The following NFAM1 variants were observed in gnomAD, a reference collection of about 807,000 sequenced individuals.
The protein encoded by NFAM1 is NFAT activation molecule 1.
Under a neutral mutation model 29.0 loss-of-function variants are expected in NFAM1, and 17 were observed. The observed-to-expected ratio is 0.59, with a 90% confidence interval of 0.40 to 0.88. NFAM1 has a LOEUF of 0.88. NFAM1 is among the 40% of genes least tolerant of loss of function. The pLI is 0.00. For synonymous variants in NFAM1, 175 were observed against 147.2 expected (o/e 1.19, Z -1.36); for missense variants, 324 against 344.6 (o/e 0.94, Z 0.47).
Position 42,384,997 on chromosome 22 carries a change from G to C in NFAM1, c.*164C>G, listed in dbSNP as rs975529395. Reference sequence around the variant, plus strand: ...GCCTTGGTGGTTGGGGCATAGAATGGGGGGGCAGTGGGGCCGGCCAAGACA... The same window carrying C: ...GCCTTGGTGGTTGGGGCATAGAATGCGGGGGCAGTGGGGCCGGCCAAGACA... On this transcript the variant is annotated 3_prime_UTR_variant, in exon 6 of 6. Coordinates refer to ENST00000329021, the MANE Select transcript of NFAM1 (RefSeq NM_145912.8). 12 of 693,400 alleles carry C rather than the reference G, an allele frequency of 1.7e-5. No individual in the cohort carries two copies. The highest frequency in any genetic ancestry group is 5.3e-5 in the African/African-American group (3 of 56,818). 43.0% of individuals were successfully genotyped at this position (693,400 alleles called of 1,614,324 possible).
intron 1 of NFAM1, among the ~76,000 whole-genome samples, chr22:42,414,635 G>A (rs1031114642): frequency 2.7e-5 from 4 of 150,318 alleles, no homozygotes; most frequent in Non-Finnish European, 4.4e-5. Flanking sequence ...CATCACCACC[G>A]ACCCTGCCCA....
intron 5 of NFAM1, among the ~76,000 whole-genome samples, chr22:42,386,396 A>ACACACACACACACACACACAAAC (rs1555968132): frequency 8.0e-6 from 1 of 125,186 alleles, no homozygotes; most frequent in Non-Finnish European, 1.8e-5. Flanking sequence ...AAAACAAACA[A>ACACACACACACACACACACAAAC]ACACACACAC....
rs1443222612 is a variant in NFAM1 at position 42,409,846 on chromosome 22, C to T, written c.452-299G>A. ...TAGGGCCCTGAGCGAGATGTCTCCCCTCTCGGGGCCTCTTCTTTTCCCTGT... is the reference window on the plus strand; with the variant it reads ...TAGGGCCCTGAGCGAGATGTCTCCCTTCTCGGGGCCTCTTCTTTTCCCTGT... On this transcript the variant is annotated intron_variant, in intron 2 of 5. Transcript: ENST00000329021. This position sits in a 1 kb window ranked among gnomAD's most constrained non-coding sequence, Gnocchi z 4.9. Among the ~76,000 whole-genome samples the T allele has an allele frequency of 1.3e-5, 2 of 152,206 alleles. No individual in the cohort carries two copies. The highest frequency in any genetic ancestry group is 2.9e-5 in the Non-Finnish European group (2 of 68,026).
chr22:42,386,399 A>ACACACACACACACT (rs1929145353), intron 5 of NFAM1, among the ~76,000 whole-genome samples: 1 of 143,002 alleles, frequency 7.0e-6, no homozygotes, highest in African/African-American at 2.7e-5. Context: ...ACAAACAAAC[A>ACACACACACACACT]CACACACACA....
upstream of NFAM1, among the ~76,000 whole-genome samples, chr22:42,435,812 CTTCTTTTTT>C (rs1192828708): frequency 6.0e-5 from 8 of 133,168 alleles, no homozygotes; most frequent in African/African-American, 2.3e-4. Context: ...TCCTTTTCTT[CTTCTTTTTT>C]TTTTTTTTTT....
At chr22:42,402,831 C>CTTCTTTTTT (rs1555970270) in intron 3 of NFAM1, among the ~76,000 whole-genome samples, 1 of 97,120 alleles carries the variant, frequency 1.0e-5, no homozygotes, top group African/African-American at 4.7e-5. Context: ...TCTGTGCCTT[C>CTTCTTTTTT]TTTTTTTTTT....
At chr22:42,391,815 C>T (rs930848202) in intron 4 of NFAM1, among the ~76,000 whole-genome samples, 1 of 151,678 alleles carries the variant, frequency 6.6e-6, no homozygotes, top group African/African-American at 2.4e-5. Context: ...TGTGGTAGTG[C>T]GCACCTGTAA....
intron 1 of NFAM1, among the ~76,000 whole-genome samples, chr22:42,420,638 C>T (rs982259949): frequency 4.6e-5 from 7 of 151,458 alleles, no homozygotes; most frequent in African/African-American, 1.5e-4. Flanking sequence ...TGGTGGCAGG[C>T]GCCTGTGATC....
intron 1 of NFAM1, among the ~76,000 whole-genome samples, chr22:42,418,026 G>T (rs1930318257): frequency 1.3e-5 from 2 of 152,204 alleles, no homozygotes; most frequent in Non-Finnish European, 1.5e-5. Context: ...ACTGTGTTTT[G>T]GGGGGTGACA....
At chr22:42,415,761 G>A (rs981410679) in intron 1 of NFAM1, among the ~76,000 whole-genome samples, 2 of 152,168 alleles carry the variant, frequency 1.3e-5, no homozygotes, top group African/African-American at 2.4e-5. Flanking sequence ...GCGGTCCCCC[G>A]TGAAGGCACA....
chr22:42,387,902 C>A (rs1395004775), intron 4 of NFAM1, among the ~76,000 whole-genome samples: 5 of 152,232 alleles, frequency 3.3e-5, no homozygotes, highest in African/African-American at 1.2e-4. Context: ...GGCCCTGTCC[C>A]TGGCCTCACG....
chr22:42,405,948 A>G (rs563123704), intron 3 of NFAM1, among the ~76,000 whole-genome samples: 1 of 152,212 alleles, frequency 6.6e-6, no homozygotes, highest in Non-Finnish European at 1.5e-5. Flanking sequence ...CCCGGGGGTG[A>G]AAGGCGCCAA....
chr22:42,389,766 G>A (rs1256157689), intron 4 of NFAM1, among the ~76,000 whole-genome samples: 1 of 152,164 alleles, frequency 6.6e-6, no homozygotes, highest in East Asian at 1.9e-4. Flanking sequence ...CTGCTGCCCA[G>A]TGGGCAATGG....
chr22:42,406,512 T>C (rs893705663), intron 3 of NFAM1, among the ~76,000 whole-genome samples: 2 of 152,184 alleles, frequency 1.3e-5, no homozygotes, highest in African/African-American at 4.8e-5. Flanking sequence ...TGGGCCCCCA[T>C]GCAGCTCCTG....
chr22:42,419,452 C>T lies in NFAM1; in HGVS notation c.122-7716G>A, dbSNP rs57030660. Among the ~76,000 whole-genome samples, 2 of 152,192 alleles carry T rather than the reference C, an allele frequency of 1.3e-5. No homozygotes were observed. Among genetic ancestry groups the T allele is most frequent in the Non-Finnish European group, 2.9e-5 (2 of 68,038 alleles). On this transcript the variant is annotated intron_variant, in intron 1 of 5. Coordinates refer to ENST00000329021, the MANE Select transcript of NFAM1 (RefSeq NM_145912.8). The surrounding 1 kb of genome is among the most constrained non-coding windows in gnomAD (Gnocchi z 4.5). ...TCATGCGTAGTAAGGGCACTGTTTG[C>T]GACCTTCTAGTTTCAGTTATATTCA...
chr22:42,433,044 CG>C (rs1930858275), upstream of NFAM1, among the ~76,000 whole-genome samples: 1 of 152,210 alleles, frequency 6.6e-6, no homozygotes, highest in South Asian at 2.1e-4. Context: ...TTAGCTCACT[CG>C]GCCTCCCAAC....
At chr22:42,395,700 G>A (rs1277212270) in intron 4 of NFAM1, among the ~76,000 whole-genome samples, 1 of 151,376 alleles carries the variant, frequency 6.6e-6, no homozygotes, top group Non-Finnish European at 1.5e-5. Context: ...GGCTAACATG[G>A]TGAAACCCCG....
At chr22:42,427,308 AC>A (rs1386076691) in intron 1 of NFAM1, among the ~76,000 whole-genome samples, 1 of 151,842 alleles carries the variant, frequency 6.6e-6, no homozygotes, top group Non-Finnish European at 1.5e-5. Context: ...GGGTCTCATT[AC>A]CCTACCAACG....
intron 3 of NFAM1, among the ~76,000 whole-genome samples, chr22:42,406,975 C>T (rs762894171): frequency 2.6e-5 from 4 of 152,034 alleles, no homozygotes; most frequent in African/African-American, 4.8e-5. Flanking sequence ...CAGGGTTTCA[C>T]TGTGTTAGCC....
Sources: allele counts gnomAD v4.1 joint callset (sites outside exome capture counted in the v4.1 genomes callset), GRCh38; gene constraint gnomAD v4.1.1; non-coding constraint Gnocchi (gnomAD v3.1); transcripts MANE v1.5; gene names NCBI Gene and HGNC (gene_info 2026-07-23, HGNC 2026-07-21).